R3HDM2: variants seen among roughly 807,000 people sequenced by gnomAD.
R3HDM2 encodes R3H domain-containing protein 2.
R3HDM2 carries 38 observed loss-of-function variants against 124.5 expected under a neutral mutation model. That is an observed-to-expected ratio of 0.31 (90% CI 0.24 to 0.40). The LOEUF is 0.40. Among genes scored for constraint, R3HDM2 ranks in the 10% least tolerant of loss-of-function variants. The probability of loss-of-function intolerance (pLI) is 1.00; values close to 1 mark genes in which losing one functional copy is unlikely to be tolerated. For synonymous variants in R3HDM2, 391 were observed against 448.0 expected (o/e 0.87, Z 1.61); for missense variants, 869 against 1,236.9 (o/e 0.70, Z 4.46).
At chr12:57,274,082 G>A (rs1436988220) in intron 14 of R3HDM2, among the ~76,000 whole-genome samples, 1 of 152,042 alleles carries the variant, frequency 6.6e-6, no homozygotes, top group Admixed American at 6.6e-5. Flanking sequence ...TTATACTGGT[G>A]GCTTTCATAC....
At position 57,264,004 on chromosome 12, in the gene R3HDM2, TC is replaced by T. The variant is rs561070000; in HGVS notation, c.2131+2726del. Among the ~76,000 whole-genome samples the T allele has an allele frequency of 3.1e-3, 473 of 152,208 alleles. 3 individuals carry two copies. Among genetic ancestry groups the T allele is most frequent in the Middle Eastern group, 6.8e-3 (2 of 294 alleles). ...GATGGTTGGAGGCTAAATTAAGACT[TC>T]CTGCCGAGGTGGGCAGATCATGAGG... is the stretch of plus-strand genomic sequence containing the variant. On this transcript the variant is annotated intron_variant, in intron 19 of 23. Transcript: ENST00000402412.
At chr12:57,309,959 C>T (rs181154256) in intron 3 of R3HDM2, among the ~76,000 whole-genome samples, 139 of 152,308 alleles carry the variant, frequency 9.1e-4, no homozygotes, top group African/African-American at 3.2e-3. Flanking sequence ...CACCTATAAT[C>T]CCAGCATTTT....
At chr12:57,294,118 A>G (rs984479587) in intron 10 of R3HDM2, among the ~76,000 whole-genome samples, 5 of 152,242 alleles carry the variant, frequency 3.3e-5, no homozygotes, top group African/African-American at 1.2e-4. Context: ...AGAGGATTAA[A>G]GGAAATAATG....
chr12:57,407,005 T>C (rs991679467), intron 1 of R3HDM2, among the ~76,000 whole-genome samples: 1 of 152,096 alleles, frequency 6.6e-6, no homozygotes, highest in Non-Finnish European at 1.5e-5. Context: ...TCCCAGCACT[T>C]TGAGAGGCCA....
At chr12:57,414,932 T>G (rs1164218541) in intron 1 of R3HDM2, among the ~76,000 whole-genome samples, 3 of 152,004 alleles carry the variant, frequency 2.0e-5, no homozygotes, top group Non-Finnish European at 4.4e-5. Context: ...AACAATTGAT[T>G]CTAGGTCTGG....
rs567117882 is a variant in R3HDM2 at position 57,384,851 on chromosome 12, A to G, written c.-36+10898T>C. 1.3e-4 allele frequency among the ~76,000 whole-genome samples: 20 copies of G among 152,322 alleles called. No individual in the cohort carries two copies. In the South Asian group the frequency reaches 4.1e-3, roughly 32 times the overall value. The stretch of plus-strand genomic sequence containing the variant: ...AAACACTAGATAGAAAAAAATGTGA[A>G]AAGTACTCTGGCCCAGGCCAGGCGT... On this transcript the variant is annotated intron_variant, in intron 2 of 23. Coordinates refer to ENST00000402412, the MANE Select transcript of R3HDM2 (RefSeq NM_001394031.1).
At chr12:57,405,112 C>A (rs1305100488) in intron 1 of R3HDM2, among the ~76,000 whole-genome samples, 1 of 152,052 alleles carries the variant, frequency 6.6e-6, no homozygotes, top group East Asian at 1.9e-4. Flanking sequence ...ACTGTAACCT[C>A]AACCTCCTGG....
intron 2 of R3HDM2, among the ~76,000 whole-genome samples, chr12:57,335,936 T>C (rs899849243): frequency 2.6e-5 from 4 of 151,864 alleles, no homozygotes; most frequent in Admixed American, 6.6e-5. Context: ...GAAAAGGATA[T>C]GAACAGACAC....
chr12:57,393,516 A>G (rs2067043693), intron 2 of R3HDM2, among the ~76,000 whole-genome samples: 1 of 152,196 alleles, frequency 6.6e-6, no homozygotes, highest in Non-Finnish European at 1.5e-5. Context: ...CATAAAGATT[A>G]TCCAGTTTGG....
At chr12:57,364,855 A>G (rs1289723907) in intron 2 of R3HDM2, among the ~76,000 whole-genome samples, 3 of 150,116 alleles carry the variant, frequency 2.0e-5, no homozygotes, top group African/African-American at 7.4e-5. Context: ...TGGGAGGCTG[A>G]GGCAGGAGAA....
chr12:57,386,172 G>A (rs1415336629), intron 2 of R3HDM2, among the ~76,000 whole-genome samples: 2 of 122,032 alleles, frequency 1.6e-5, no homozygotes, highest in African/African-American at 5.6e-5. Flanking sequence ...GCCCTCCCTC[G>A]CTCTGGGGGC....
At chr12:57,295,338 C>T in intron 10 of R3HDM2, 61 bp downstream of exon 10, 1 of 1,170,080 alleles carries the variant, frequency 8.5e-7, no homozygotes, top group Non-Finnish European at 1.2e-6. Context: ...AAATTCTTCT[C>T]CCTTCCCAGT....
chr12:57,258,462 A>G (rs2039748118), intron 20 of R3HDM2, among the ~76,000 whole-genome samples: 1 of 151,940 alleles, frequency 6.6e-6, no homozygotes, highest in African/African-American at 2.4e-5. Flanking sequence ...CTCCTGCCTC[A>G]GCCTTCTGAG....
At position 57,268,447 on chromosome 12, in the gene R3HDM2, C is replaced by T. The variant is rs2042934896; in HGVS notation, c.1886G>A (p.Gly629Asp). ...CTGGACCACATTTTGCGAGTCACTA[C>T]CCACTGGAACCTGGGTGAGAAAGAG... Reference protein sequence around the residue: ...TPLPSYQVPVGSDSQNVVQPP... With the variant: ...TPLPSYQVPVDSDSQNVVQPP... Residue 629 changes from glycine to aspartate, a missense_variant, in exon 18 of 24, where the codon GGT (glycine) becomes GAT (aspartate). Gly to Asp is a moderately conservative substitution (Grantham distance 94). Around this residue, in one of 2 missense-constraint regions of R3HDM2, gnomAD observed 602 missense variants for 789.2 expected, o/e 0.76. Transcript: ENST00000402412. 2 of 1,613,724 alleles carry T rather than the reference C, an allele frequency of 1.2e-6. No homozygotes were observed. Among genetic ancestry groups the T allele is most frequent in the Admixed American group, 1.7e-5 (1 of 59,960 alleles).
intron 4 of R3HDM2, among the ~76,000 whole-genome samples, chr12:57,301,348 C>T (rs2051109570): frequency 6.6e-6 from 1 of 152,068 alleles, no homozygotes; most frequent in Non-Finnish European, 1.5e-5. Context: ...AGACTCAATA[C>T]AATAAAACCA....
At chr12:57,312,157 T>C (rs1221262668) in intron 2 of R3HDM2, among the ~76,000 whole-genome samples, 2 of 152,186 alleles carry the variant, frequency 1.3e-5, no homozygotes, top group Non-Finnish European at 2.9e-5. Context: ...TGGATAGCAA[T>C]GCTTCAAGAA....
intron 2 of R3HDM2, among the ~76,000 whole-genome samples, chr12:57,346,468 A>C (rs1305253741): frequency 6.6e-6 from 1 of 152,194 alleles, no homozygotes; most frequent in South Asian, 2.1e-4. Flanking sequence ...CAAAAACAAA[A>C]AAAAAAGAAA....
At chr12:57,322,457 A>G (rs975048479) in intron 2 of R3HDM2, among the ~76,000 whole-genome samples, 4 of 152,070 alleles carry the variant, frequency 2.6e-5, no homozygotes, top group Non-Finnish European at 5.9e-5. Flanking sequence ...GAAAAGGTAC[A>G]TGATTTACTG....
At chr12:57,420,621 T>C (rs1263082609) in intron 1 of R3HDM2, among the ~76,000 whole-genome samples, 1 of 151,840 alleles carries the variant, frequency 6.6e-6, no homozygotes, top group Non-Finnish European at 1.5e-5. Flanking sequence ...GCCCATAGTA[T>C]TGGGATTACG....
Sources: gnomAD v4.1 joint callset for allele counts (sites outside exome capture counted in the v4.1 genomes callset) on GRCh38, gnomAD v4.1.1 for gene constraint, gnomAD v4.1.1 regional missense constraint, MANE v1.5 for transcripts, NCBI Gene and HGNC (gene_info 2026-07-23, HGNC 2026-07-21) for gene names.